Variants in NMI observed in about 807,000 individuals in gnomAD.
NMI encodes N-myc and STAT interactor, also known as N-myc-interactor.
In NMI, 39 loss-of-function variants were observed where a neutral mutation model predicts 34.3. The observed-to-expected ratio is 1.14, with a 90% CI of 0.88 to 1.49. NMI has a LOEUF of 1.49. Among genes scored for constraint, NMI ranks in the 40% most tolerant of loss-of-function variants. NMI has a pLI of 0.00. For missense variants in NMI, 339 were observed against 358.1 expected, an observed-to-expected ratio of 0.95 and a Z score of 0.43; for synonymous variants, 113 against 120.3, an observed-to-expected ratio of 0.94 and a Z score of 0.40.
Position 151,279,494 on chromosome 2 carries a change from T to C in NMI, c.178-504A>G, listed in dbSNP as rs1209028541. ...AATTTTATTTATTTATTTATTTATT[T>C]TGAGACAGAGTCTCACTCTGTTGCC... On this transcript the variant is annotated intron_variant, in intron 3 of 7. Coordinates refer to ENST00000243346, the MANE Select transcript of NMI (RefSeq NM_004688.3). Among the ~76,000 whole-genome samples the C allele has an allele frequency of 2.0e-5, 3 of 152,188 alleles. No individual in the cohort carries two copies. In the East Asian group the frequency reaches 5.8e-4, roughly 29 times the overall value.
At chr2:151,279,256 A>C (rs1683343548) in intron 3 of NMI, among the ~76,000 whole-genome samples, 1 of 152,182 alleles carries the variant, frequency 6.6e-6, no homozygotes, top group Non-Finnish European at 1.5e-5. Context: ...CAATGTTTAA[A>C]CTGTCAATAT....
chr2:151,274,275 G>A (rs1327874754), intron 6 of NMI, among the ~76,000 whole-genome samples: 5 of 143,942 alleles, frequency 3.5e-5, no homozygotes, highest in East Asian at 2.1e-4. Context: ...CCCGGGAAGC[G>A]GAGGTTGCAG....
chr2:151,272,284 C>T (rs1200438509), intron 6 of NMI, among the ~76,000 whole-genome samples: 1 of 152,030 alleles, frequency 6.6e-6, no homozygotes, highest in African/African-American at 2.4e-5. Flanking sequence ...ATTTTTTTCT[C>T]CTAGAGTGGT....
chr2:151,273,911 A>T (rs1260197992), intron 6 of NMI, among the ~76,000 whole-genome samples: 1 of 152,204 alleles, frequency 6.6e-6, no homozygotes, highest in African/African-American at 2.4e-5. Flanking sequence ...TGGATGCTTG[A>T]CTATGGAAGT....
chr2:151,270,656 G>C lies in NMI; in HGVS notation c.*37C>G. On this transcript the variant is annotated 3_prime_UTR_variant, in exon 8 of 8. Transcript: ENST00000243346. The stretch of plus-strand genomic sequence containing the variant: ...TTTTGTCAAACATTTACAGTAATCC[G>C]GGTTAAAAAGCTATAGTTTTCATGA... 1 of 1,492,288 alleles carries C rather than the reference G, an allele frequency of 6.7e-7. No homozygotes were observed. The highest frequency in any genetic ancestry group is 9.1e-7 in the Non-Finnish European group (1 of 1,094,256). 92.4% of individuals were successfully genotyped at this position (1,492,288 alleles called of 1,614,324 possible). A position where few individuals can be genotyped will look rare whatever the true frequency, so the allele number is the denominator to read the frequency against.
intron 1 of NMI, among the ~76,000 whole-genome samples, chr2:151,286,935 C>T (rs1394111222): frequency 6.6e-6 from 1 of 152,102 alleles, no homozygotes; most frequent in Admixed American, 6.6e-5. Flanking sequence ...TATGCCATTT[C>T]TCCTTTTTAA....
chr2:151,284,814 G>A (rs1369727656), intron 1 of NMI, among the ~76,000 whole-genome samples: 1 of 152,042 alleles, frequency 6.6e-6, no homozygotes, highest in Non-Finnish European at 1.5e-5. Flanking sequence ...GATTTCAAGT[G>A]GCTAAATTCT....
chr2:151,289,491 C>G (rs1683580432), intron 1 of NMI, 102 bp downstream of exon 1: 1 of 152,214 alleles, frequency 6.6e-6, no homozygotes, highest in Non-Finnish European at 1.5e-5. Flanking sequence ...TGTCCCACTT[C>G]CGTCGGCGCT....
In NMI at chr2:151,271,651, G is replaced by A. The variant is rs1175211337; in HGVS notation, c.716C>T (p.Thr239Ile). Reference sequence around the variant, plus strand: ...CTGATACTTTTTCAAGTGTATTTCTGTGTATGGAGAAACAGTAACTCTATG... The same window carrying A: ...CTGATACTTTTTCAAGTGTATTTCTATGTATGGAGAAACAGTAACTCTATG... The part of the protein sequence containing the change: ...TCHRVTVSPY[T>I]EIHLKKYQIF... The change falls in exon 7 of 8, where the codon ACA becomes ATA. Residue 239 changes from threonine (T) to isoleucine (I), a missense_variant. Coordinates refer to ENST00000243346, the MANE Select transcript of NMI (RefSeq NM_004688.3). The A allele has an allele frequency of 6.4e-7, 1 of 1,555,350 alleles. No individual in the cohort carries two copies. Among genetic ancestry groups the A allele is most frequent in the Admixed American group, 1.7e-5 (1 of 59,310 alleles).
At position 151,278,848 on chromosome 2, in the gene NMI, A is replaced by G. The variant is rs778961150; in HGVS notation, c.320T>C (p.Ile107Thr). The change falls in exon 4 of 8, where the codon ATC (isoleucine) becomes ACC (threonine). Residue 107 changes from isoleucine (I) to threonine (T), a missense_variant. Transcript: ENST00000243346. ...CATACCTTCTTCTTTTTCAAAGGTG[A>G]TAAGTGCTTGTCCTTTTTGTATCTC... ...PYEIQKGQAL[I>T]TFEKEEVAQN... is the part of the protein sequence containing the mutation. The G allele has an allele frequency of 1.7e-5, 28 of 1,613,288 alleles. No homozygotes were observed. The highest frequency in any genetic ancestry group is 6.7e-5 in the Admixed American group (4 of 59,976).
intron 6 of NMI, among the ~76,000 whole-genome samples, chr2:151,275,140 G>C (rs922074782): frequency 6.6e-6 from 1 of 151,970 alleles, no homozygotes; most frequent in African/African-American, 2.4e-5. Context: ...TTGCCACCAT[G>C]CCTGGCTAAT....
At position 151,289,577 on chromosome 2, in the gene NMI, G is replaced by A. The variant is rs2105215410; in HGVS notation, c.-7+16C>T. 6.6e-6 allele frequency: 1 copy of A among 152,320 alleles called. No homozygotes were observed. The highest frequency in any genetic ancestry group is 1.5e-5 in the Non-Finnish European group (1 of 68,026). 9.4% of individuals were successfully genotyped at this position (152,320 alleles called of 1,614,324 possible). Reference sequence around the variant, plus strand: ...AGCGGCGGGAGTGGCAGCCGGGGAAGGGACTCCCCACTCACCCGCGTCCGC... The same window carrying A: ...AGCGGCGGGAGTGGCAGCCGGGGAAAGGACTCCCCACTCACCCGCGTCCGC... On this transcript the variant is annotated intron_variant, in intron 1 of 7. Transcript: ENST00000243346.
intron 3 of NMI, among the ~76,000 whole-genome samples, chr2:151,279,591 C>T (rs984162143): frequency 1.3e-5 from 2 of 152,102 alleles, no homozygotes; most frequent in African/African-American, 2.4e-5. Context: ...ATTCTCCTGC[C>T]TCAGTCTCCC....
At chr2:151,284,305 AT>A (rs199764657) in intron 1 of NMI, among the ~76,000 whole-genome samples, 3,382 of 150,554 alleles carry the variant, frequency 0.022, 135 homozygotes, top group African/African-American at 0.078. Context: ...TATGCATTTA[AT>A]TTTTTTTTTA....
At chr2:151,273,831 A>T (rs1169789604) in intron 6 of NMI, among the ~76,000 whole-genome samples, 1 of 152,168 alleles carries the variant, frequency 6.6e-6, no homozygotes, top group African/African-American at 2.4e-5. Flanking sequence ...CAGATTTTTT[A>T]AAATCCAAGA....
At chr2:151,285,247 G>A (rs527323588) in intron 1 of NMI, among the ~76,000 whole-genome samples, 35 of 152,232 alleles carry the variant, frequency 2.3e-4, no homozygotes, top group Non-Finnish European at 4.3e-4. Flanking sequence ...GTTTTTCACC[G>A]TCAGAGAAGA....
At chr2:151,280,860 T>C (rs1228849559) in intron 3 of NMI, among the ~76,000 whole-genome samples, 1 of 151,810 alleles carries the variant, frequency 6.6e-6, no homozygotes, top group East Asian at 1.9e-4. Context: ...TTTTTTTTTT[T>C]TAGGCGGCGC....
intron 1 of NMI, among the ~76,000 whole-genome samples, chr2:151,288,285 G>A (rs748144957): frequency 3.9e-5 from 6 of 152,210 alleles, no homozygotes; most frequent in Non-Finnish European, 8.8e-5. Flanking sequence ...GGAGCCCAGT[G>A]TAATCATGAG....
rs1215672470 is a variant in NMI, at chr2:151,270,891, T to G, written c.742-16A>C. ...CTGAAAATATCTAAGAAGGAAAAAA[T>G]GATAAATAGAAAGATTTCTAAGAGC... On this transcript the variant is annotated splice_polypyrimidine_tract_variant and intron_variant, in intron 7 of 7. Transcript: ENST00000243346. 6.3e-7 allele frequency: 1 copy of G among 1,586,864 alleles called. No homozygotes were observed. The highest frequency in any genetic ancestry group is 8.6e-7 in the Non-Finnish European group (1 of 1,161,486).
Sources: allele counts gnomAD v4.1 joint callset (sites outside exome capture counted in the v4.1 genomes callset), GRCh38; gene constraint gnomAD v4.1.1; transcripts MANE v1.5; gene names NCBI Gene and HGNC (gene_info 2026-07-23, HGNC 2026-07-21).